ASIC2: variants seen among roughly 807,000 people sequenced by gnomAD.
ASIC2 encodes acid-sensing ion channel 2.
Under a neutral mutation model 57.3 loss-of-function variants are expected in ASIC2, and 25 were observed. The observed-to-expected ratio is 0.44, with a 90% CI of 0.32 to 0.61. ASIC2 has a LOEUF of 0.61. ASIC2 is among the 20% of genes least tolerant of loss of function. The pLI is 0.06. For synonymous variants in ASIC2, 319 were observed against 307.5 expected (o/e 1.04, Z -0.39); for missense variants, 641 against 738.1 (o/e 0.87, Z 1.52).
intron 1 of ASIC2, among the ~76,000 whole-genome samples, chr17:33,679,235 T>C (rs1452529037): frequency 6.6e-6 from 1 of 152,218 alleles, no homozygotes; most frequent in Non-Finnish European, 1.5e-5. Flanking sequence ...ACATCCTTCA[T>C]GCAGAGATTT....
At chr17:33,643,798 T>C (rs72811181) in intron 1 of ASIC2, among the ~76,000 whole-genome samples, 7,075 of 152,290 alleles carry the variant, frequency 0.046, 192 homozygotes, top group South Asian at 0.12. Context: ...AAGCATTGAC[T>C]TGGGGCCTGC....
rs546816422 is a variant in ASIC2, at chr17:33,024,438, C to T, written c.1196-424G>A. On this transcript the variant is annotated intron_variant, in intron 5 of 9. Coordinates refer to ENST00000225823, the MANE Select transcript of ASIC2 (RefSeq NM_183377.2). ...CTGGGGCTCCCTCATAGCCAGTGCCCCACCTTCTCTGCCTGGTGGGTTAGG... is the reference window on the plus strand; with the variant it reads ...CTGGGGCTCCCTCATAGCCAGTGCCTCACCTTCTCTGCCTGGTGGGTTAGG... 2.1e-4 allele frequency among the ~76,000 whole-genome samples: 32 copies of T among 152,288 alleles called. No individual in the cohort carries two copies. In the South Asian group the frequency reaches 6.2e-3, roughly 30 times the overall value.
At chr17:33,123,371 T>C (rs2092310494) in intron 1 of ASIC2, among the ~76,000 whole-genome samples, 1 of 152,338 alleles carries the variant, frequency 6.6e-6, no homozygotes, top group South Asian at 2.1e-4. Flanking sequence ...AATAAGACAT[T>C]ATGCTAAGTG....
intron 1 of ASIC2, among the ~76,000 whole-genome samples, chr17:33,185,901 A>T (rs1247818171): frequency 2.0e-5 from 3 of 152,208 alleles, no homozygotes. Flanking sequence ...AAGTGGGGAC[A>T]AATTCACCAT....
At chr17:33,831,429 G>A (rs75845005) in intron 1 of ASIC2, among the ~76,000 whole-genome samples, 1,780 of 152,086 alleles carry the variant, frequency 0.012, 13 homozygotes, top group Non-Finnish European at 0.018. Flanking sequence ...CTTGGTTCAG[G>A]CCAGATCCTA....
chr17:33,425,956 G>T (rs982776169), intron 1 of ASIC2, among the ~76,000 whole-genome samples: 1 of 152,144 alleles, frequency 6.6e-6, no homozygotes, highest in African/African-American at 2.4e-5. Context: ...GGTGGAAGGT[G>T]AAGCGCAGGG....
intron 1 of ASIC2, among the ~76,000 whole-genome samples, chr17:33,331,713 C>A (rs551688492): frequency 1.2e-4 from 18 of 152,232 alleles, no homozygotes; most frequent in African/African-American, 4.3e-4. Context: ...TTTCTATATA[C>A]CTGATAGTGT....
intron 1 of ASIC2, chr17:33,793,316 T>C (rs1364682243): frequency 6.6e-6 from 1 of 152,216 alleles, no homozygotes; most frequent in Non-Finnish European, 1.5e-5. Flanking sequence ...TCTGTGTTAT[T>C]TTATCTTATC....
intron 1 of ASIC2, among the ~76,000 whole-genome samples, chr17:33,146,887 G>T (rs999951718): frequency 1.2e-4 from 18 of 152,192 alleles, no homozygotes; most frequent in African/African-American, 3.9e-4. Flanking sequence ...TCATTCTCAG[G>T]GGGGAAATCA....
chr17:33,433,543 G>A (rs1211813812), intron 1 of ASIC2, among the ~76,000 whole-genome samples: 4 of 152,190 alleles, frequency 2.6e-5, no homozygotes, highest in Non-Finnish European at 5.9e-5. Context: ...ATCTCTTGAG[G>A]TCAGGAGTTC....
chr17:33,057,072 G>A (rs766836649), intron 3 of ASIC2, among the ~76,000 whole-genome samples: 7 of 152,136 alleles, frequency 4.6e-5, no homozygotes, highest in Admixed American at 2.6e-4. Flanking sequence ...GCAGAGATGA[G>A]CTAAATTAGG....
intron 1 of ASIC2, among the ~76,000 whole-genome samples, chr17:33,821,540 C>T (rs1912746932): frequency 6.6e-6 from 1 of 152,154 alleles, no homozygotes; most frequent in African/African-American, 2.4e-5. Context: ...AAAACCTGTG[C>T]AGTGAATGAG....
At chr17:33,252,411 T>C (rs1484002269) in intron 1 of ASIC2, among the ~76,000 whole-genome samples, 2 of 152,164 alleles carry the variant, frequency 1.3e-5, no homozygotes, top group Non-Finnish European at 2.9e-5. Flanking sequence ...GACAAATTGG[T>C]CTACAAGGAC....
chr17:33,735,887 G>A (rs780253845), intron 1 of ASIC2, among the ~76,000 whole-genome samples: 5 of 151,928 alleles, frequency 3.3e-5, no homozygotes, highest in Non-Finnish European at 7.4e-5. Flanking sequence ...TTCTTGTTTC[G>A]TCTCTAAGCT....
intron 1 of ASIC2, among the ~76,000 whole-genome samples, chr17:34,083,901 C>T (rs1195306753): frequency 1.3e-5 from 2 of 152,076 alleles, no homozygotes; most frequent in Non-Finnish European, 2.9e-5. Flanking sequence ...TGTTTGAGTT[C>T]ATTGTGGATT....
intron 1 of ASIC2, among the ~76,000 whole-genome samples, chr17:34,120,611 C>G (rs1364655662): frequency 6.6e-6 from 1 of 150,466 alleles, no homozygotes; most frequent in Non-Finnish European, 1.5e-5. Context: ...ATCGCAGTAA[C>G]TCAGAAGGTG....
chr17:34,086,145 G>T (rs1028843383), intron 1 of ASIC2, among the ~76,000 whole-genome samples: 3 of 146,026 alleles, frequency 2.1e-5, no homozygotes, highest in Non-Finnish European at 3.0e-5. Flanking sequence ...TGTCAATTTT[G>T]GATCTTTCCT....
intron 1 of ASIC2, among the ~76,000 whole-genome samples, chr17:33,330,874 G>T (rs1028127894): frequency 6.6e-6 from 1 of 152,092 alleles, no homozygotes; most frequent in African/African-American, 2.4e-5. Flanking sequence ...CTGGCCTAGG[G>T]TTTGCAGGCA....
At chr17:33,965,219 T>A (rs1905041365) in intron 1 of ASIC2, among the ~76,000 whole-genome samples, 1 of 152,200 alleles carries the variant, frequency 6.6e-6, no homozygotes, top group Admixed American at 6.5e-5. Context: ...AAATCAAGGT[T>A]CAGAGGGGTT....
Sources: allele counts gnomAD v4.1 joint callset (sites outside exome capture counted in the v4.1 genomes callset), GRCh38; gene constraint gnomAD v4.1.1; transcripts MANE v1.5; gene names NCBI Gene and HGNC (gene_info 2026-07-23, HGNC 2026-07-21).